AGPAT4: variants seen among roughly 807,000 people sequenced by gnomAD.
AGPAT4 encodes the protein 1-acyl-sn-glycerol-3-phosphate acyltransferase delta.
A neutral mutation model predicts 48.0 loss-of-function variants in AGPAT4; 15 were observed. The observed-to-expected ratio is 0.31, with a 90% CI of 0.21 to 0.48. The LOEUF (loss-of-function observed/expected upper bound fraction) is 0.48, where lower values mean the gene tolerates loss of function less well. Among genes scored for constraint, AGPAT4 ranks in the 20% least tolerant of loss-of-function variants. The pLI is 0.99. For synonymous variants in AGPAT4, 178 were observed against 198.7 expected (o/e 0.90, Z 0.88); for missense variants, 314 against 482.5 (o/e 0.65, Z 3.27).
chr6:161,141,636 TC>T lies in AGPAT4; in HGVS notation c.844-2017del, dbSNP rs1346929893. Among the ~76,000 whole-genome samples the T allele has an allele frequency of 8.5e-5, 13 of 152,124 alleles. No homozygotes were observed. The highest frequency in any genetic ancestry group is 2.9e-5 in the Non-Finnish European group (2 of 68,012). Reference sequence around the variant, plus strand: ...AGATGTCACTTACATGCCATAGAACTCACCCATTTTAAAAAATGGGCAAATG... The same window carrying T: ...AGATGTCACTTACATGCCATAGAACTACCCATTTTAAAAAATGGGCAAATG... On this transcript the variant is annotated intron_variant, in intron 7 of 8. Transcript: ENST00000320285. The surrounding 1 kb of genome is among the most constrained non-coding windows in gnomAD (Gnocchi z 6.7).
At chr6:161,213,180 G>A (rs1486707447) in intron 2 of AGPAT4, among the ~76,000 whole-genome samples, 1 of 152,134 alleles carries the variant, frequency 6.6e-6, no homozygotes, top group East Asian at 1.9e-4. Flanking sequence ...TCCATGGCTG[G>A]GCTCGGCTTT....
rs139020836 is a variant in AGPAT4 at position 161,243,673 on chromosome 6, C to G, written c.-89-11371G>C. 2.9e-3 allele frequency among the ~76,000 whole-genome samples: 448 copies of G among 152,314 alleles called. 3 individuals are homozygous for G. Among genetic ancestry groups the G allele is most frequent in the African/African-American group, 8.1e-3 (336 of 41,570 alleles). On this transcript the variant is annotated intron_variant, in intron 1 of 8. Transcript: ENST00000320285. This position sits in a 1 kb window ranked among gnomAD's most constrained non-coding sequence, Gnocchi z 4.8. ...AACAGCTGCAGGAAGAACCCTCAGT[C>G]GAAGCCCCTGCCTCTCTCCCGGGCT...
In AGPAT4 at chr6:161,204,732, G is replaced by A. The variant is rs564319399; in HGVS notation, c.178+27304C>T. The stretch of plus-strand genomic sequence containing the variant: ...CAGAATATGAGTGCTACAGTGCCAA[G>A]CAGAGAGGATACAGACCACGGTGGG... On this transcript the variant is annotated intron_variant, in intron 2 of 8. Transcript: ENST00000320285. The surrounding 1 kb of genome is among the most constrained non-coding windows in gnomAD (Gnocchi z 4.4). 6.6e-6 allele frequency among the ~76,000 whole-genome samples: 1 copy of A among 152,090 alleles called. No individual in the cohort carries two copies. The highest frequency in any genetic ancestry group is 2.1e-4 in the South Asian group (1 of 4,828).
At chr6:161,151,533 G>A (rs1779593033) in intron 5 of AGPAT4, among the ~76,000 whole-genome samples, 1 of 152,252 alleles carries the variant, frequency 6.6e-6, no homozygotes, top group South Asian at 2.1e-4. Flanking sequence ...AGGGGCAGAA[G>A]GTGAGATGTG....
In AGPAT4 at chr6:161,255,988, G is replaced by A. The variant is rs1176405554; in HGVS notation, c.-90+17950C>T. Among the ~76,000 whole-genome samples the A allele has an allele frequency of 6.6e-6, 1 of 152,130 alleles. No homozygotes were observed. The highest frequency in any genetic ancestry group is 1.5e-5 in the Non-Finnish European group (1 of 68,040). ...CCACACAGCCATGTCAACACATAGA[G>A]GGACATGCTGTTTAGATGAAGGAAA... On this transcript the variant is annotated intron_variant, in intron 1 of 8. Coordinates refer to ENST00000320285, the MANE Select transcript of AGPAT4 (RefSeq NM_020133.3). The surrounding 1 kb of genome is among the most constrained non-coding windows in gnomAD (Gnocchi z 4.7).
rs545925402 is a variant in AGPAT4 at position 161,140,860 on chromosome 6, T to C, written c.844-1240A>G. On this transcript the variant is annotated intron_variant, in intron 7 of 8. Coordinates refer to ENST00000320285, the MANE Select transcript of AGPAT4 (RefSeq NM_020133.3). This position sits in a 1 kb window ranked among gnomAD's most constrained non-coding sequence, Gnocchi z 6.5. ...TAAAAGCTGCACGTGGCCGATAGCA[T>C]GCACGCCACACAAAAATGGGTGTGG... Among the ~76,000 whole-genome samples the C allele has an allele frequency of 1.2e-4, 19 of 152,316 alleles. No individual in the cohort carries two copies. The East Asian group carries it at 3.5e-3, about 28-fold the overall frequency.
rs1197647096 is a variant in AGPAT4 at position 161,178,662 on chromosome 6, C to A, written c.179-12245G>T. 2.6e-5 allele frequency among the ~76,000 whole-genome samples: 4 copies of A among 152,192 alleles called. No individual in the cohort carries two copies. Among genetic ancestry groups the A allele is most frequent in the Non-Finnish European group, 5.9e-5 (4 of 68,040 alleles). ...TCCGACAAGCCCCAGTGAGATGAAC[C>A]TGGTACCTCAGTTGGAAGTGCAGAA... On this transcript the variant is annotated intron_variant, in intron 2 of 8. Coordinates refer to ENST00000320285, the MANE Select transcript of AGPAT4 (RefSeq NM_020133.3). This position sits in a 1 kb window ranked among gnomAD's most constrained non-coding sequence, Gnocchi z 5.1.
In AGPAT4 at chr6:161,225,466, T is replaced by G. The variant is rs3778230; in HGVS notation, c.178+6570A>C. Among the ~76,000 whole-genome samples the G allele has an allele frequency of 0.12, 18,231 of 152,226 alleles. 1,247 individuals carry two copies. The highest frequency in any genetic ancestry group is 0.16 in the Non-Finnish European group (10,847 of 68,004). On this transcript the variant is annotated intron_variant, in intron 2 of 8. Coordinates refer to ENST00000320285, the MANE Select transcript of AGPAT4 (RefSeq NM_020133.3). This position sits in a 1 kb window ranked among gnomAD's most constrained non-coding sequence, Gnocchi z 5.0. Reference sequence around the variant, plus strand: ...CTTGCTGAGAATTAAAAAGAAAATTTTATATTCGAGTGCTATTTCTTTTGC... The same window carrying G: ...CTTGCTGAGAATTAAAAAGAAAATTGTATATTCGAGTGCTATTTCTTTTGC...
intron 2 of AGPAT4, among the ~76,000 whole-genome samples, chr6:161,209,628 CG>C (rs1354020033): frequency 6.6e-6 from 1 of 152,080 alleles, no homozygotes; most frequent in African/African-American, 2.4e-5. Context: ...ATGTCAGACC[CG>C]AACAGGCTCC....
rs550323775 is a variant in AGPAT4 at position 161,240,984 on chromosome 6, G to A, written c.-89-8682C>T. 6.6e-6 allele frequency among the ~76,000 whole-genome samples: 1 copy of A among 152,044 alleles called. No homozygotes were observed. Among genetic ancestry groups the A allele is most frequent in the African/African-American group, 2.4e-5 (1 of 41,384 alleles). On this transcript the variant is annotated intron_variant, in intron 1 of 8. Transcript: ENST00000320285. This position sits in a 1 kb window ranked among gnomAD's most constrained non-coding sequence, Gnocchi z 5.5. The stretch of plus-strand genomic sequence containing the variant: ...CTCAATTAAAAAATAATCATCATCG[G>A]CCAGGTGCAGCGGCTCACACCTGTA...
At position 161,137,054 on chromosome 6, in the gene AGPAT4, G is replaced by A. The variant is rs1358051469; in HGVS notation, c.1043-420C>T. ...AGGAGCCTGGAAGACGCAAGAGCTC[G>A]AGTATCGAGTGCCCAACACGTTTCA... On this transcript the variant is annotated intron_variant, in intron 8 of 8. Coordinates refer to ENST00000320285, the MANE Select transcript of AGPAT4 (RefSeq NM_020133.3). This position sits in a 1 kb window ranked among gnomAD's most constrained non-coding sequence, Gnocchi z 6.1. Among the ~76,000 whole-genome samples the A allele has an allele frequency of 2.6e-5, 4 of 152,222 alleles. No individual in the cohort carries two copies. The highest frequency in any genetic ancestry group is 7.2e-5 in the African/African-American group (3 of 41,460).
chr6:161,262,892 T>G lies in AGPAT4; in HGVS notation c.-90+11046A>C, dbSNP rs1226145535. ...TGCCAGCGAGCCGTGAGAGCTGAGG[T>G]GGCCAGTCCTTGTCTGCAGGGAATG... On this transcript the variant is annotated intron_variant, in intron 1 of 8. Coordinates refer to ENST00000320285, the MANE Select transcript of AGPAT4 (RefSeq NM_020133.3). The surrounding 1 kb of genome is among the most constrained non-coding windows in gnomAD (Gnocchi z 4.9). Among the ~76,000 whole-genome samples, 1 of 151,972 alleles carries G rather than the reference T, an allele frequency of 6.6e-6. No homozygotes were observed. Among genetic ancestry groups the G allele is most frequent in the Non-Finnish European group, 1.5e-5 (1 of 68,004 alleles).
Position 161,143,054 on chromosome 6 carries a change from G to A in AGPAT4, c.844-3434C>T, listed in dbSNP as rs764780024. 1.3e-5 allele frequency among the ~76,000 whole-genome samples: 2 copies of A among 152,164 alleles called. No individual in the cohort carries two copies. The highest frequency in any genetic ancestry group is 2.9e-5 in the Non-Finnish European group (2 of 68,022). ...TCCCGACCTTGGCCTCCACAGGACG[G>A]CTCTGAATGTAGCTGTCCTTCACTT... On this transcript the variant is annotated intron_variant, in intron 7 of 8. Transcript: ENST00000320285. The surrounding 1 kb of genome is among the most constrained non-coding windows in gnomAD (Gnocchi z 4.7).
intron 1 of AGPAT4, among the ~76,000 whole-genome samples, chr6:161,265,068 C>G (rs1342956366): frequency 2.0e-5 from 3 of 152,174 alleles, no homozygotes; most frequent in Admixed American, 2.0e-4. Flanking sequence ...CTAGTGAGAC[C>G]TGGTTGGTGG....
chr6:161,211,842 A>G (rs926605702), intron 2 of AGPAT4, among the ~76,000 whole-genome samples: 3 of 152,172 alleles, frequency 2.0e-5, no homozygotes, highest in African/African-American at 7.2e-5. Flanking sequence ...ACTGACAGCA[A>G]TTAAAGCCCC....
Position 161,135,929 on chromosome 6 carries a change from G to A in AGPAT4, c.*611C>T. On this transcript the variant is annotated 3_prime_UTR_variant, in exon 9 of 9. Transcript: ENST00000320285. ...ACGGGCTCCTGGACCTGTGTCTCCT[G>A]CCAGGAGCTGTGCTGGCCTGCCCAC... is the stretch of plus-strand genomic sequence containing the variant. The A allele has an allele frequency of 6.5e-6, 1 of 153,232 alleles. No individual in the cohort carries two copies. The highest frequency in any genetic ancestry group is 1.5e-5 in the Non-Finnish European group (1 of 68,772). The allele number at this position is 153,232 out of a possible 1,614,324, so 9.5% of individuals were successfully genotyped here. A position where few individuals can be genotyped will look rare whatever the true frequency, so the allele number is the denominator to read the frequency against.
Position 161,155,753 on chromosome 6 carries a change from C to A in AGPAT4, c.349-1443G>T, listed in dbSNP as rs1465748955. 1.3e-5 allele frequency among the ~76,000 whole-genome samples: 2 copies of A among 152,214 alleles called. No homozygotes were observed. The highest frequency in any genetic ancestry group is 2.9e-5 in the Non-Finnish European group (2 of 68,046). ...GGGAACATCCCCGTGGGTGGGTGAA[C>A]CCACTGGTGCGGGTGTGAGGGCTTA... On this transcript the variant is annotated intron_variant, in intron 3 of 8. Coordinates refer to ENST00000320285, the MANE Select transcript of AGPAT4 (RefSeq NM_020133.3). The surrounding 1 kb of genome is among the most constrained non-coding windows in gnomAD (Gnocchi z 5.8).
In AGPAT4 at chr6:161,134,006, GCTT is replaced by G. The variant is rs1778985094; in HGVS notation, c.*2531_*2533del. On this transcript the variant is annotated 3_prime_UTR_variant, in exon 9 of 9. Coordinates refer to ENST00000320285, the MANE Select transcript of AGPAT4 (RefSeq NM_020133.3). ...GAAGGTATTTGAGGAGGCGTGATGA[GCTT>G]CCGTCCAGGAGTACCCGTGGTTGTC... 1 of 152,264 alleles carries G rather than the reference GCTT, an allele frequency of 6.6e-6. No individual in the cohort carries two copies. The highest frequency in any genetic ancestry group is 6.5e-5 in the Admixed American group (1 of 15,280). The allele number at this position is 152,264 out of a possible 1,614,324, so 9.4% of individuals were successfully genotyped here. A position where few individuals can be genotyped will look rare whatever the true frequency, so the allele number is the denominator to read the frequency against.
chr6:161,255,318 T>C lies in AGPAT4; in HGVS notation c.-90+18620A>G, dbSNP rs973986300. 2.6e-5 allele frequency among the ~76,000 whole-genome samples: 4 copies of C among 152,216 alleles called. No homozygotes were observed. Among genetic ancestry groups the C allele is most frequent in the Admixed American group, 2.6e-4 (4 of 15,282 alleles). ...GAAGTGAATGAAACACATCCAGCTGTAGTTCTTCTGATGTTAGAATTACCA... is the reference window on the plus strand; with the variant it reads ...GAAGTGAATGAAACACATCCAGCTGCAGTTCTTCTGATGTTAGAATTACCA... On this transcript the variant is annotated intron_variant, in intron 1 of 8. Transcript: ENST00000320285. This position sits in a 1 kb window ranked among gnomAD's most constrained non-coding sequence, Gnocchi z 4.7.
Sources: allele counts gnomAD v4.1 joint callset (sites outside exome capture counted in the v4.1 genomes callset), GRCh38; gene constraint gnomAD v4.1.1; non-coding constraint Gnocchi (gnomAD v3.1); transcripts MANE v1.5; gene names NCBI Gene and HGNC (gene_info 2026-07-23, HGNC 2026-07-21).